Variants in NRXN3 observed in about 807,000 individuals in gnomAD.
The protein encoded by NRXN3 is neurexin 3.
Under a neutral mutation model 137.6 loss-of-function variants are expected in NRXN3, and 32 were observed. The ratio of observed to expected loss-of-function variants is 0.23; its 90% CI spans 0.18 to 0.31. The LOEUF (loss-of-function observed/expected upper bound fraction) is 0.31. Ranked by LOEUF, NRXN3 falls within the 10% of genes least tolerant of loss-of-function variation. The pLI is 1.00. For missense variants in NRXN3, 1,574 were observed against 2,062.5 expected, an observed-to-expected ratio of 0.76 and a Z score of 4.59; for synonymous variants, 798 against 784.5, an observed-to-expected ratio of 1.02 and a Z score of -0.29.
At chr14:79,692,067 A>G (rs2098718843) in intron 17 of NRXN3, 106 bp from the exon 18 acceptor site, 1 of 752,956 alleles carries the variant, frequency 1.3e-6, no homozygotes, top group Admixed American at 3.1e-5. Flanking sequence ...ATAAATTGAT[A>G]TCTATCTCTA....
chr14:78,968,383 G>A (rs775315499), intron 14 of NRXN3, 37 bp downstream of exon 14: 4 of 1,598,164 alleles, frequency 2.5e-6, no homozygotes, highest in Middle Eastern at 1.7e-4. Context: ...CTACAGCCTT[G>A]TTGCAAGCAC....
chr14:78,542,649 G>A (rs1600196697), intron 4 of NRXN3, among the ~76,000 whole-genome samples: 2 of 152,214 alleles, frequency 1.3e-5, no homozygotes, highest in South Asian at 2.1e-4. Flanking sequence ...CTTCCTGGGT[G>A]AGGCGATGCC....
intron 1 of NRXN3, among the ~76,000 whole-genome samples, chr14:78,182,790 C>T (rs2059924064): frequency 6.6e-6 from 1 of 152,216 alleles, no homozygotes. Context: ...TATCTCACCA[C>T]ATCCTTTCAG....
intron 4 of NRXN3, among the ~76,000 whole-genome samples, chr14:78,368,113 A>C (rs1232214124): frequency 1.3e-5 from 2 of 152,244 alleles, no homozygotes; most frequent in Non-Finnish European, 2.9e-5. Context: ...CTACCGTTTA[A>C]AATGCCATTA....
chr14:78,645,279 T>G lies in NRXN3; in HGVS notation c.917T>G (p.Val306Gly). 6.3e-7 allele frequency: 1 copy of G among 1,598,922 alleles called. No individual in the cohort carries two copies. The highest frequency in any genetic ancestry group is 8.5e-7 in the Non-Finnish European group (1 of 1,179,814). Residue 306 changes from valine (V) to glycine (G), a missense_variant, in exon 5 of 21, where the codon GTC (valine) becomes GGC (glycine). Physicochemically the swap from Val to Gly is moderately radical, Grantham distance 109. This residue lies in a region of NRXN3 where 400 missense variants were observed against 527.3 expected (regional missense o/e 0.76). Coordinates refer to ENST00000335750, the MANE Select transcript of NRXN3 (RefSeq NM_001330195.2). The part of the protein sequence containing the change: ...ILHTGKSADY[V>G]NLALKDGAVS... ...CACACGGGCAAGTCGGCTGACTATG[T>G]CAACCTGGCTCTGAAGGATGGTGCG...
intron 15 of NRXN3, among the ~76,000 whole-genome samples, chr14:79,392,459 G>A (rs550797851): frequency 6.6e-6 from 1 of 152,250 alleles, no homozygotes; most frequent in South Asian, 2.1e-4. Flanking sequence ...ACATACATGT[G>A]CTTGTGTCTT....
Position 78,216,848 on chromosome 14 carries a change from C to A in NRXN3, c.-703-25543C>A, listed in dbSNP as rs1402401415. ...TTCTGGTGTTACCGGCAATCCTTGG[C>A]GTTCCTTGGCTTGTAGTGGCCTCAC... On this transcript the variant is annotated intron_variant, in intron 1 of 20. Coordinates refer to ENST00000335750, the MANE Select transcript of NRXN3 (RefSeq NM_001330195.2). Among the ~76,000 whole-genome samples, 6 of 152,292 alleles carry A rather than the reference C, an allele frequency of 3.9e-5. No individual in the cohort carries two copies. In the East Asian group the frequency reaches 1.2e-3, roughly 29 times the overall value.
intron 10 of NRXN3, among the ~76,000 whole-genome samples, chr14:78,895,753 T>G (rs1334458480): frequency 6.6e-6 from 1 of 151,886 alleles, no homozygotes; most frequent in Non-Finnish European, 1.5e-5. Flanking sequence ...TTTGAATACT[T>G]AGGCCTTTGT....
chr14:79,647,259 A>G (rs1204197734), intron 16 of NRXN3, among the ~76,000 whole-genome samples: 1 of 135,650 alleles, frequency 7.4e-6, no homozygotes, highest in East Asian at 2.0e-4. Context: ...ATCAGTTTCT[A>G]CTCAAAATTA....
chr14:79,225,292 C>G (rs1041007887), intron 15 of NRXN3, among the ~76,000 whole-genome samples: 8 of 152,102 alleles, frequency 5.3e-5, no homozygotes, highest in African/African-American at 1.9e-4. Context: ...AAGATAAAAC[C>G]AAAAGCCAAA....
chr14:79,821,326 T>C (rs967933636), intron 20 of NRXN3, among the ~76,000 whole-genome samples: 1 of 152,174 alleles, frequency 6.6e-6, no homozygotes, highest in African/African-American at 2.4e-5. Flanking sequence ...GAAAACACTC[T>C]GTCCCCAGGG....
chr14:78,431,173 G>A (rs2093863411), intron 4 of NRXN3, among the ~76,000 whole-genome samples: 1 of 152,134 alleles, frequency 6.6e-6, no homozygotes, highest in African/African-American at 2.4e-5. Flanking sequence ...CCCTAGGTGT[G>A]GTTCCCTCTT....
At chr14:78,499,996 G>A (rs1003504261) in intron 4 of NRXN3, among the ~76,000 whole-genome samples, 2 of 152,106 alleles carry the variant, frequency 1.3e-5, no homozygotes, top group Non-Finnish European at 2.9e-5. Context: ...CAAGTTCAAC[G>A]CAAACTCTAA....
intron 15 of NRXN3, among the ~76,000 whole-genome samples, chr14:79,227,776 TCCTTC>T (rs1400808827): frequency 2.1e-4 from 26 of 121,996 alleles, no homozygotes; most frequent in African/African-American, 6.8e-4. Flanking sequence ...CTTCCTTCCT[TCCTTC>T]CTTCCCTCCT....
At chr14:78,420,021 G>A (rs1290716578) in intron 4 of NRXN3, among the ~76,000 whole-genome samples, 1 of 151,418 alleles carries the variant, frequency 6.6e-6, no homozygotes. Context: ...ATAATACATA[G>A]TTTTTTGGGG....
intron 8 of NRXN3, among the ~76,000 whole-genome samples, chr14:78,757,186 C>A (rs1279520162): frequency 6.6e-6 from 1 of 152,016 alleles, no homozygotes; most frequent in Non-Finnish European, 1.5e-5. Flanking sequence ...GGGGGGCAGA[C>A]TGCCTGAGCT....
At chr14:78,651,815 G>A (rs900695408) in intron 6 of NRXN3, among the ~76,000 whole-genome samples, 1 of 150,942 alleles carries the variant, frequency 6.6e-6, no homozygotes, top group African/African-American at 2.5e-5. Context: ...ACCTCCCACT[G>A]GCTTCCTCCC....
intron 15 of NRXN3, among the ~76,000 whole-genome samples, chr14:79,292,653 C>T (rs1310677339): frequency 6.6e-6 from 1 of 152,196 alleles, no homozygotes; most frequent in Non-Finnish European, 1.5e-5. Context: ...GCCCTTCATA[C>T]ATATGGTAGT....
intron 2 of NRXN3, among the ~76,000 whole-genome samples, chr14:78,254,319 A>C (rs1567089781): frequency 6.6e-6 from 1 of 151,928 alleles, no homozygotes; most frequent in African/African-American, 2.4e-5. Context: ...CTTCCCCCAT[A>C]CCCAACTAGG....
Sources: allele counts gnomAD v4.1 joint callset (sites outside exome capture counted in the v4.1 genomes callset), GRCh38; gene constraint gnomAD v4.1.1; regional missense constraint gnomAD v4.1.1; transcripts MANE v1.5; gene names NCBI Gene and HGNC (gene_info 2026-07-23, HGNC 2026-07-21).